Variants in MOV10L1 observed in about 807,000 individuals in gnomAD.
The protein encoded by MOV10L1 is RNA helicase Mov10l1.
In MOV10L1, 110 loss-of-function variants were observed where a neutral mutation model predicts 143.8. The ratio of observed to expected loss-of-function variants is 0.76; its 90% confidence interval spans 0.66 to 0.90. The LOEUF (loss-of-function observed/expected upper bound fraction) is 0.90, where lower values mean the gene tolerates loss of function less well. Among genes scored for constraint, MOV10L1 ranks in the 40% least tolerant of loss-of-function variants. MOV10L1 has a pLI of 0.00. For missense variants in MOV10L1, 1,406 were observed against 1,526.8 expected (o/e 0.92, Z 1.32); for synonymous variants, 593 against 581.1 (o/e 1.02, Z -0.29).
chr22:50,099,742 GT>G, intron 3 of MOV10L1, 140 bp downstream of exon 3: 1 of 998,704 alleles, frequency 1.0e-6, no homozygotes, highest in Non-Finnish European at 1.4e-6. Flanking sequence ...GAGCCCAGGA[GT>G]TGGAGGCTGC....
intron 19 of MOV10L1, chr22:50,147,214 G>C (rs1372040531): frequency 1.9e-6 from 2 of 1,027,300 alleles, no homozygotes; most frequent in Admixed American, 4.8e-5. Flanking sequence ...GCAGAAGCAG[G>C]GAGGGTGCTG....
chr22:50,105,422 G>T (rs1759655322), intron 3 of MOV10L1, among the ~76,000 whole-genome samples: 1 of 152,192 alleles, frequency 6.6e-6, no homozygotes, highest in Non-Finnish European at 1.5e-5. Context: ...TTCATCGAAA[G>T]ATTCTTTTGA....
Position 50,153,202 on chromosome 22 carries a change from T to C in MOV10L1, c.3050T>C (p.Ile1017Thr). 6.2e-7 allele frequency: 1 copy of C among 1,613,750 alleles called. No homozygotes were observed. The highest frequency in any genetic ancestry group is 8.5e-7 in the Non-Finnish European group (1 of 1,179,720). Reference sequence around the variant, plus strand: ...TTGCCTAAGAAAGGCTTCCCTCTCATCTTCCATGGTGTGCGGGTGAGTTGT... The same window carrying C: ...TTGCCTAAGAAAGGCTTCCCTCTCACCTTCCATGGTGTGCGGGTGAGTTGT... ...EKLPKKGFPL[I>T]FHGVRGSEAR... Residue 1017 changes from isoleucine to threonine, a missense_variant, in exon 22 of 27, where the codon ATC becomes ACC. This residue lies in a region of MOV10L1 where 1,233 missense variants were observed against 1,351.4 expected (regional missense o/e 0.91). Coordinates refer to ENST00000262794, the MANE Select transcript of MOV10L1 (RefSeq NM_018995.3).
chr22:50,159,614 GGAAAA>G lies in MOV10L1; in HGVS notation c.3217-54_3217-50del, dbSNP rs755220316. Reference sequence around the variant, plus strand: ...AATACTCCATCTCAAAAAAAAAAAAGGAAAAGAAAAGAAATGGATTTGTACAGTGT... The same window carrying G: ...AATACTCCATCTCAAAAAAAAAAAAGGAAAAGAAATGGATTTGTACAGTGT... On this transcript the variant is annotated intron_variant, in intron 23 of 26. Coordinates refer to ENST00000262794, the MANE Select transcript of MOV10L1 (RefSeq NM_018995.3). The surrounding 1 kb of genome is among the most constrained non-coding windows in gnomAD (Gnocchi z 4.1). The G allele has an allele frequency of 8.1e-6, 9 of 1,110,090 alleles. No homozygotes were observed. Among genetic ancestry groups the G allele is most frequent in the African/African-American group, 1.6e-5 (1 of 61,594 alleles). The allele number at this position is 1,110,090 out of a possible 1,614,324, so 68.8% of individuals were successfully genotyped here. A position where few individuals can be genotyped will look rare whatever the true frequency, so the allele number is the denominator to read the frequency against.
rs1237326303 is a variant in MOV10L1, at chr22:50,108,190, G to T, written c.497G>T (p.Gly166Val). The T allele has an allele frequency of 2.5e-6, 4 of 1,613,998 alleles. No homozygotes were observed. The Admixed American group carries it at 6.7e-5, about 27-fold the overall frequency. The part of the protein sequence containing the change: ...WVEAEYRIRP[G>V]TWSSEATSVK... ...GAGGCTGAGTACCGGATCCGGCCTG[G>T]CACGTGGAGCAGCGAAGCCACCTCA... The change falls in exon 4 of 27, where the codon GGC becomes GTC. Residue 166 changes from glycine to valine, a missense_variant. Physicochemically the swap from Gly to Val is moderately radical, Grantham distance 109. Around this residue, in one of 3 missense-constraint regions of MOV10L1, gnomAD observed 1,233 missense variants for 1,351.4 expected, o/e 0.91. Coordinates refer to ENST00000262794, the MANE Select transcript of MOV10L1 (RefSeq NM_018995.3).
At chr22:50,137,161 C>T (rs2062842416) in intron 15 of MOV10L1, among the ~76,000 whole-genome samples, 3 of 152,066 alleles carry the variant, frequency 2.0e-5, no homozygotes, top group African/African-American at 7.2e-5. Context: ...AAGTGAAAAA[C>T]GTAACCCAAA....
chr22:50,110,824 T>C (rs1194060427), intron 5 of MOV10L1, among the ~76,000 whole-genome samples: 3 of 150,766 alleles, frequency 2.0e-5, no homozygotes, highest in Admixed American at 6.6e-5. Context: ...CCAGCTACTC[T>C]GGAGGCTGAG....
Position 50,114,381 on chromosome 22 carries a change from G to C in MOV10L1, c.885G>C (p.Glu295Asp). ...GRSKTMVIWI[E>D]NKGDIPQNLV... is the part of the protein sequence containing the mutation. ...TTCATAGTTAATTGTATTTTTCCAG[G>C]AATAAAGGAGACATTCCTCAAAACT... is the stretch of plus-strand genomic sequence containing the variant. Residue 295 changes from glutamate (E) to aspartate (D), a missense_variant and splice_region_variant, in exon 7 of 27, where the codon GAG becomes GAC. Physicochemically the swap from Glu to Asp is conservative, Grantham distance 45 (BLOSUM62 2). Around this residue, in one of 3 missense-constraint regions of MOV10L1, gnomAD observed 1,233 missense variants for 1,351.4 expected, o/e 0.91. Transcript: ENST00000262794. 1 of 1,613,116 alleles carries C rather than the reference G, an allele frequency of 6.2e-7. No individual in the cohort carries two copies. Among genetic ancestry groups the C allele is most frequent in the Non-Finnish European group, 8.5e-7 (1 of 1,179,492 alleles).
In MOV10L1 at chr22:50,108,221, G is replaced by A. The variant is rs2061925844; in HGVS notation, c.528G>A (p.Lys176=). Residue 176 remains lysine (K), a synonymous_variant, in exon 4 of 27, where the codon AAG becomes AAA. Transcript: ENST00000262794. Reference sequence around the variant, plus strand: ...GGAGCAGCGAAGCCACCTCAGTGAAGCCACTGAGATACAAGCGCGTGGACA... The same window carrying A: ...GGAGCAGCGAAGCCACCTCAGTGAAACCACTGAGATACAAGCGCGTGGACA... ...GTWSSEATSV[K]PLRYKRVDKV... is the part of the protein sequence containing the mutation. 1 of 1,613,866 alleles carries A rather than the reference G, an allele frequency of 6.2e-7. No individual in the cohort carries two copies. Among genetic ancestry groups the A allele is most frequent in the Non-Finnish European group, 8.5e-7 (1 of 1,179,972 alleles).
rs750390831 is a variant in MOV10L1, at chr22:50,161,046, C to T, written c.3545C>T (p.Ser1182Phe). 3.1e-6 allele frequency: 5 copies of T among 1,613,974 alleles called. No homozygotes were observed. The highest frequency in any genetic ancestry group is 4.2e-6 in the Non-Finnish European group (5 of 1,179,914). The change falls in exon 26 of 27, where the codon TCT becomes TTT. Residue 1182 changes from serine to phenylalanine, a missense_variant. Physicochemically the swap from Ser to Phe is radical, Grantham distance 155. Around this residue, in one of 3 missense-constraint regions of MOV10L1, gnomAD observed 1,233 missense variants for 1,351.4 expected, o/e 0.91. Coordinates refer to ENST00000262794, the MANE Select transcript of MOV10L1 (RefSeq NM_018995.3). ...MGCDLPPALQ[S>F]LQNCGEGVAD... ...TGCGATTTACCTCCTGCACTGCAGTCTCTGCAAAAGTGAGCGCTTCTGCTG... is the reference window on the plus strand; with the variant it reads ...TGCGATTTACCTCCTGCACTGCAGTTTCTGCAAAAGTGAGCGCTTCTGCTG...
chr22:50,101,594 C>G (rs1407791500), intron 3 of MOV10L1, among the ~76,000 whole-genome samples: 2 of 150,298 alleles, frequency 1.3e-5, no homozygotes, highest in African/African-American at 4.9e-5. Context: ...TCACTGTAAC[C>G]TCCACCTCCT....
chr22:50,134,696 A>G, intron 15 of MOV10L1, 66 bp downstream of exon 15: 1 of 1,414,970 alleles, frequency 7.1e-7, no homozygotes, highest in Non-Finnish European at 1.0e-6. Context: ...GTCTTTACAT[A>G]GGGGGTGGCT....
At chr22:50,145,164 A>G (rs932328188) in intron 18 of MOV10L1, among the ~76,000 whole-genome samples, 3 of 150,204 alleles carry the variant, frequency 2.0e-5, no homozygotes, top group African/African-American at 7.4e-5. Flanking sequence ...CTGGTCACGA[A>G]CTCCTGATCT....
Position 50,159,737 on chromosome 22 carries a change from A to C in MOV10L1, c.3276A>C (p.Ser1092=). 6.2e-7 allele frequency: 1 copy of C among 1,613,636 alleles called. No individual in the cohort carries two copies. Among genetic ancestry groups the C allele is most frequent in the East Asian group, 2.2e-5 (1 of 44,880 alleles). The change falls in exon 24 of 27, where the codon TCA becomes TCC. Residue 1092 remains serine (S), a synonymous_variant. Coordinates refer to ENST00000262794, the MANE Select transcript of MOV10L1 (RefSeq NM_018995.3). The surrounding 1 kb of genome is among the most constrained non-coding windows in gnomAD (Gnocchi z 4.1). ...NVDLMDIKVG[S]VEEFQGQEYL... ...ATCTGATGGATATAAAGGTTGGATC[A>C]GTAGAGGAGTTTCAAGGACAAGAGT...
chr22:50,108,728 G>C lies in MOV10L1; in HGVS notation c.627G>C (p.Leu209Phe). The C allele has an allele frequency of 6.2e-7, 1 of 1,614,208 alleles. No homozygotes were observed. The highest frequency in any genetic ancestry group is 2.2e-5 in the East Asian group (1 of 44,884). The change falls in exon 5 of 27, where the codon TTG becomes TTC. Residue 209 changes from leucine to phenylalanine, a missense_variant. By Grantham distance (22) the Leu-to-Phe change is conservative. Coordinates refer to ENST00000262794, the MANE Select transcript of MOV10L1 (RefSeq NM_018995.3). ...EESIFFTLDS[L>F]KLPDGYTPRR... ...GCATCTTCTTTACCTTGGACTCCTT[G>C]AAACTGCCAGATGGGTACACACCCC... is the stretch of plus-strand genomic sequence containing the variant.
Position 50,161,506 on chromosome 22 carries a change from CA to C in MOV10L1, c.*58del. On this transcript the variant is annotated 3_prime_UTR_variant, in exon 27 of 27. Coordinates refer to ENST00000262794, the MANE Select transcript of MOV10L1 (RefSeq NM_018995.3). ...GCTCAGCCTGGCCACGTTGCCGTTA[CA>C]GTCTGCTCCGTGGCTCCTGTGGCCT... 6.7e-7 allele frequency: 1 copy of C among 1,500,316 alleles called. No individual in the cohort carries two copies. The highest frequency in any genetic ancestry group is 1.2e-5 in the South Asian group (1 of 80,942). 92.9% of individuals were successfully genotyped at this position (1,500,316 alleles called of 1,614,324 possible).
rs776229133 is a variant in MOV10L1 at position 50,145,672 on chromosome 22, C to T, written c.2506-17C>T. Reference sequence around the variant, plus strand: ...TAATTGGAGGAGTAAACTAACTCTACGCCTCCTTGCCCCCAGATAGTTATT... The same window carrying T: ...TAATTGGAGGAGTAAACTAACTCTATGCCTCCTTGCCCCCAGATAGTTATT... On this transcript the variant is annotated splice_polypyrimidine_tract_variant and intron_variant, in intron 18 of 26. Transcript: ENST00000262794. 15 of 1,613,440 alleles carry T rather than the reference C, an allele frequency of 9.3e-6. No individual in the cohort carries two copies. Among genetic ancestry groups the T allele is most frequent in the African/African-American group, 5.3e-5 (4 of 74,918 alleles).
At chr22:50,132,149 C>G (rs907426611) in intron 13 of MOV10L1, among the ~76,000 whole-genome samples, 2 of 152,206 alleles carry the variant, frequency 1.3e-5, no homozygotes, top group Admixed American at 1.3e-4. Flanking sequence ...CCAGTAACAT[C>G]ACATTGGGGA....
chr22:50,143,842 G>C (rs1241332599), intron 17 of MOV10L1, among the ~76,000 whole-genome samples: 1 of 143,000 alleles, frequency 7.0e-6, no homozygotes. Flanking sequence ...GTGTGCAGAT[G>C]AATCTGACTC....
Sources: allele counts gnomAD v4.1 joint callset (sites outside exome capture counted in the v4.1 genomes callset), GRCh38; gene constraint gnomAD v4.1.1; regional missense constraint gnomAD v4.1.1; non-coding constraint Gnocchi (gnomAD v3.1); transcripts MANE v1.5; gene names NCBI Gene and HGNC (gene_info 2026-07-23, HGNC 2026-07-21).